USH2A: variants seen among roughly 807,000 people sequenced by gnomAD.
The protein encoded by USH2A is Usher syndrome 2A (autosomal recessive, mild).
A neutral mutation model predicts 538.9 loss-of-function variants in USH2A; 443 were observed. The ratio of observed to expected loss-of-function variants is 0.82; its 90% CI spans 0.76 to 0.89. USH2A has a LOEUF of 0.89. Among genes scored for constraint, USH2A ranks in the 40% least tolerant of loss-of-function variants. The probability of loss-of-function intolerance (pLI) is 0.00; values close to 1 mark genes in which losing one functional copy is unlikely to be tolerated. For synonymous variants in USH2A, 2,413 were observed against 2,273.5 expected (o/e 1.06, Z -1.75); for missense variants, 6,633 against 6,324.8 (o/e 1.05, Z -1.65).
chr1:215,998,942 T>A lies in USH2A; in HGVS notation c.6602A>T (p.Gln2201Leu), dbSNP rs143107117. 8.7e-5 allele frequency: 141 copies of A among 1,613,330 alleles called. No individual in the cohort carries two copies. The highest frequency in any genetic ancestry group is 1.2e-4 in the Non-Finnish European group (136 of 1,179,616). The change falls in exon 34 of 72, where the codon CAG (glutamine) becomes CTG (leucine). Residue 2201 changes from glutamine (Q) to leucine (L), a missense_variant. Coordinates refer to ENST00000307340, the MANE Select transcript of USH2A (RefSeq NM_206933.4). The part of the protein sequence containing the change: ...SVIYNSTELF[Q>L]DHMLQYVLPG... ...TAAAACGTATTGTAGCATATGATCCTGGAAAAGTTCTGTACTGTTATAGAT... is the reference window on the plus strand; with the variant it reads ...TAAAACGTATTGTAGCATATGATCCAGGAAAAGTTCTGTACTGTTATAGAT...
chr1:215,685,691 TTA>T (rs111482460), intron 61 of USH2A, among the ~76,000 whole-genome samples: 1,182 of 65,346 alleles, frequency 0.018, 25 homozygotes, highest in African/African-American at 0.046. Context: ...ATTATTATTA[TTA>T]TTTTTTTACC....
At chr1:215,988,379 C>G (rs1043259394) in intron 35 of USH2A, among the ~76,000 whole-genome samples, 1 of 152,140 alleles carries the variant, frequency 6.6e-6, no homozygotes, top group South Asian at 2.1e-4. Flanking sequence ...CTTTTTAAGG[C>G]CGAGTGATAT....
At chr1:215,846,161 A>G in intron 44 of USH2A, 128 bp from the exon 45 acceptor site, 1 of 864,572 alleles carries the variant, frequency 1.2e-6, no homozygotes, top group East Asian at 2.6e-5. Flanking sequence ...GGAAATGTTA[A>G]AAAAAGCTTA....
intron 35 of USH2A, among the ~76,000 whole-genome samples, chr1:215,983,571 A>C (rs141844316): frequency 0.015 from 2,213 of 152,272 alleles, 41 homozygotes; most frequent in African/African-American, 0.048. Context: ...TGCCACTCTT[A>C]GCATGAAGAA....
At chr1:215,946,065 G>T (rs1666750378) in intron 37 of USH2A, among the ~76,000 whole-genome samples, 1 of 152,144 alleles carries the variant, frequency 6.6e-6, no homozygotes, top group Non-Finnish European at 1.5e-5. Flanking sequence ...AAGTTGTAAT[G>T]CTGGGGAAGA....
chr1:215,656,639 T>C (rs1165239292), intron 64 of USH2A, among the ~76,000 whole-genome samples: 1 of 152,218 alleles, frequency 6.6e-6, no homozygotes, highest in Non-Finnish European at 1.5e-5. Context: ...GGCTGCTTAT[T>C]ACAAGAGTTG....
intron 11 of USH2A, among the ~76,000 whole-genome samples, chr1:216,252,291 A>G (rs551761950): frequency 2.1e-4 from 32 of 152,362 alleles, no homozygotes; most frequent in Admixed American, 1.6e-3. Context: ...CAATGTGGGT[A>G]CAGACTTCAA....
At chr1:215,838,209 C>T (rs1338157084) in intron 46 of USH2A, 106 bp from the exon 47 acceptor site, 13 of 886,146 alleles carry the variant, frequency 1.5e-5, no homozygotes, top group Non-Finnish European at 2.1e-5. Context: ...TCTTGTATTT[C>T]TCTATAGCCT....
chr1:216,119,466 A>T (rs889661822), intron 21 of USH2A, among the ~76,000 whole-genome samples: 9 of 151,756 alleles, frequency 5.9e-5, no homozygotes, highest in Non-Finnish European at 2.9e-5. Context: ...ATACATAACA[A>T]TATAACATAT....
chr1:216,100,959 C>A (rs2032562918), intron 21 of USH2A, among the ~76,000 whole-genome samples: 1 of 152,040 alleles, frequency 6.6e-6, no homozygotes, highest in Non-Finnish European at 1.5e-5. Context: ...AGGAAAATTT[C>A]TTAAGAAGGG....
At chr1:216,347,561 T>A (rs2038202333) in intron 4 of USH2A, among the ~76,000 whole-genome samples, 1 of 152,072 alleles carries the variant, frequency 6.6e-6, no homozygotes, top group Non-Finnish European at 1.5e-5. Flanking sequence ...TATGAAATGG[T>A]CTTTGCTTTC....
chr1:216,151,440 G>A (rs537229993), intron 21 of USH2A, among the ~76,000 whole-genome samples: 43 of 151,960 alleles, frequency 2.8e-4, no homozygotes, highest in African/African-American at 8.0e-4. Flanking sequence ...TCATGACACC[G>A]ACATGACAAA....
At chr1:216,108,971 T>G (rs1571968059) in intron 21 of USH2A, among the ~76,000 whole-genome samples, 1 of 152,196 alleles carries the variant, frequency 6.6e-6, no homozygotes, top group East Asian at 1.9e-4. Flanking sequence ...TATGTAGAAC[T>G]GAAGTTGGGC....
intron 58 of USH2A, among the ~76,000 whole-genome samples, chr1:215,749,036 T>C (rs1265529053): frequency 1.3e-5 from 2 of 152,234 alleles, no homozygotes; most frequent in Non-Finnish European, 2.9e-5. Flanking sequence ...GTTAATGTCT[T>C]TGTAACACTA....
rs578055222 is a variant in USH2A, at chr1:216,342,425, G to A, written c.785-14771C>T. Among the ~76,000 whole-genome samples, 12 of 152,224 alleles carry A rather than the reference G, an allele frequency of 7.9e-5. No homozygotes were observed. The East Asian group carries it at 2.1e-3, about 27-fold the overall frequency. On this transcript the variant is annotated intron_variant, in intron 4 of 71. Coordinates refer to ENST00000307340, the MANE Select transcript of USH2A (RefSeq NM_206933.4). ...TAGTTGAACCATTATGGAAAACAGTGTGGTGATTCCCCAAAGACCCAGAAC... is the reference window on the plus strand; with the variant it reads ...TAGTTGAACCATTATGGAAAACAGTATGGTGATTCCCCAAAGACCCAGAAC...
chr1:216,343,005 T>A (rs1161276521), intron 4 of USH2A, among the ~76,000 whole-genome samples: 1 of 151,816 alleles, frequency 6.6e-6, no homozygotes, highest in Non-Finnish European at 1.5e-5. Flanking sequence ...GAAATAAAAT[T>A]TTTTTTAAGT....
At chr1:216,386,491 AC>A (rs958639488) in intron 3 of USH2A, among the ~76,000 whole-genome samples, 2 of 4,730 alleles carry the variant, frequency 4.2e-4, no homozygotes, top group Non-Finnish European at 0.062. Context: ...TCTCAAAAAA[AC>A]AAACAAACAA....
intron 21 of USH2A, among the ~76,000 whole-genome samples, chr1:216,106,403 A>G (rs991813237): frequency 4.0e-5 from 6 of 150,748 alleles, no homozygotes; most frequent in African/African-American, 7.3e-5. Context: ...GAAAGTTTTC[A>G]TTATGAATAG....
At chr1:216,219,486 A>G (rs1244172369) in intron 14 of USH2A, among the ~76,000 whole-genome samples, 1 of 152,102 alleles carries the variant, frequency 6.6e-6, no homozygotes, top group Non-Finnish European at 1.5e-5. Context: ...CAAATAAGCT[A>G]CAAATTTGAT....
Sources: allele counts gnomAD v4.1 joint callset (sites outside exome capture counted in the v4.1 genomes callset), GRCh38; gene constraint gnomAD v4.1.1; transcripts MANE v1.5; gene names NCBI Gene and HGNC (gene_info 2026-07-23, HGNC 2026-07-21).